Variants in PIBF1 observed in about 807,000 individuals in gnomAD.
PIBF1 encodes the protein progesterone-induced-blocking factor 1.
Under a neutral mutation model 112.5 loss-of-function variants are expected in PIBF1, and 90 were observed. The observed-to-expected ratio is 0.80, with a 90% confidence interval of 0.67 to 0.95. The LOEUF (loss-of-function observed/expected upper bound fraction) is 0.95, where lower values mean the gene tolerates loss of function less well. Ranked by LOEUF, PIBF1 falls within the 40% of genes least tolerant of loss-of-function variation. The pLI, the probability that PIBF1 is intolerant of heterozygous loss-of-function variation, is 0.00. For missense variants in PIBF1, 915 were observed against 852.3 expected, an observed-to-expected ratio of 1.07 and a Z score of -0.92; for synonymous variants, 301 against 288.6, an observed-to-expected ratio of 1.04 and a Z score of -0.44.
At chr13:72,826,083 G>A (rs1033868530) in intron 6 of PIBF1, among the ~76,000 whole-genome samples, 23 of 150,224 alleles carry the variant, frequency 1.5e-4, no homozygotes, top group South Asian at 6.3e-4. Context: ...TTAAAAAATT[G>A]CATGTGAAAG....
At chr13:72,947,554 C>G (rs2042181953) in intron 14 of PIBF1, among the ~76,000 whole-genome samples, 1 of 152,184 alleles carries the variant, frequency 6.6e-6, no homozygotes, top group South Asian at 2.1e-4. Context: ...GTTTTCTTTT[C>G]TATCATATTG....
chr13:72,810,120 G>A (rs976001082), intron 5 of PIBF1, among the ~76,000 whole-genome samples: 2 of 152,114 alleles, frequency 1.3e-5, no homozygotes, highest in Middle Eastern at 3.2e-3. Context: ...GTTACATTAT[G>A]TATATGATCT....
chr13:72,860,090 G>T (rs557387112), intron 10 of PIBF1, among the ~76,000 whole-genome samples: 1 of 152,104 alleles, frequency 6.6e-6, no homozygotes, highest in Non-Finnish European at 1.5e-5. Context: ...AAGTATTCAG[G>T]CATAAGCCAA....
chr13:72,928,025 A>G (rs1260387377), intron 13 of PIBF1, among the ~76,000 whole-genome samples: 1 of 60,600 alleles, frequency 1.7e-5, no homozygotes, highest in Non-Finnish European at 3.0e-5. Context: ...ACATATATAT[A>G]CATATATATA....
chr13:73,014,041 C>G (rs1026435237), intron 17 of PIBF1, among the ~76,000 whole-genome samples: 1 of 151,692 alleles, frequency 6.6e-6, no homozygotes, highest in Non-Finnish European at 1.5e-5. Flanking sequence ...CTTCCCTTCC[C>G]TTCCCTTCCC....
At chr13:72,836,741 CTT>C in intron 9 of PIBF1, among the ~76,000 whole-genome samples, 1 of 151,988 alleles carries the variant, frequency 6.6e-6, no homozygotes, top group Admixed American at 6.6e-5. Flanking sequence ...TATGATAGAA[CTT>C]TTTTAGGATT....
At chr13:72,929,170 A>C (rs2041627383) in intron 13 of PIBF1, among the ~76,000 whole-genome samples, 1 of 152,246 alleles carries the variant, frequency 6.6e-6, no homozygotes, top group East Asian at 1.9e-4. Context: ...TAAGAAAGCA[A>C]GAATAAAAAT....
chr13:73,013,858 G>GA (rs2044303764), intron 17 of PIBF1, among the ~76,000 whole-genome samples: 1 of 152,040 alleles, frequency 6.6e-6, no homozygotes, highest in Non-Finnish European at 1.5e-5. Flanking sequence ...TGCAAGCAAG[G>GA]AAAGAGTGGA....
intron 15 of PIBF1, among the ~76,000 whole-genome samples, chr13:72,967,284 G>A (rs994781580): frequency 6.6e-6 from 1 of 152,088 alleles, no homozygotes; most frequent in Admixed American, 6.6e-5. Context: ...TTCTTGTGAT[G>A]AGGAGGTATA....
intron 10 of PIBF1, among the ~76,000 whole-genome samples, chr13:72,882,921 A>G (rs1188556334): frequency 6.6e-6 from 1 of 152,216 alleles, no homozygotes; most frequent in African/African-American, 2.4e-5. Context: ...GCTGGATCAT[A>G]TGGTAGCTTT....
chr13:72,827,302 G>A (rs575957243), intron 7 of PIBF1, among the ~76,000 whole-genome samples, 184 bp downstream of exon 7: 23 of 131,566 alleles, frequency 1.7e-4, no homozygotes, highest in African/African-American at 6.9e-4. Flanking sequence ...AGGCTATAGT[G>A]CAGTGGTGCG....
At chr13:72,917,016 G>A in intron 12 of PIBF1, 60 bp from the exon 13 acceptor site, 1 of 1,078,632 alleles carries the variant, frequency 9.3e-7, no homozygotes, top group Non-Finnish European at 1.3e-6. Context: ...TTTCACTTCT[G>A]CCATCTTTTT....
intron 14 of PIBF1, among the ~76,000 whole-genome samples, chr13:72,939,667 A>G (rs1384543316): frequency 6.6e-6 from 1 of 152,126 alleles, no homozygotes; most frequent in African/African-American, 2.4e-5. Flanking sequence ...CCTTCTGACT[A>G]TTGTAAAAAG....
At chr13:72,869,622 TAATA>T (rs1383132773) in intron 10 of PIBF1, among the ~76,000 whole-genome samples, 7 of 134,330 alleles carry the variant, frequency 5.2e-5, no homozygotes, top group African/African-American at 1.5e-4. Context: ...ATAATAATAA[TAATA>T]AAAAATAAAT....
At chr13:72,962,899 C>A (rs2042643512) in intron 14 of PIBF1, among the ~76,000 whole-genome samples, 1 of 152,138 alleles carries the variant, frequency 6.6e-6, no homozygotes, top group South Asian at 2.1e-4. Flanking sequence ...AAGTTACAGT[C>A]AGCAAAACAG....
chr13:72,867,620 T>C (rs2038982025), intron 10 of PIBF1, among the ~76,000 whole-genome samples: 1 of 152,156 alleles, frequency 6.6e-6, no homozygotes, highest in Admixed American at 6.5e-5. Flanking sequence ...GAGTCCCCTT[T>C]CCTCAACTTA....
At chr13:72,895,364 G>GA (rs761104752) in intron 11 of PIBF1, among the ~76,000 whole-genome samples, 40 of 149,772 alleles carry the variant, frequency 2.7e-4, no homozygotes, top group Non-Finnish European at 5.8e-4. Flanking sequence ...AATAGAAACT[G>GA]AAAAACAGTA....
chr13:72,809,774 G>C (rs146136004), intron 5 of PIBF1, among the ~76,000 whole-genome samples: 10 of 152,008 alleles, frequency 6.6e-5, no homozygotes, highest in Non-Finnish European at 1.2e-4. Flanking sequence ...ATTTTTAGTA[G>C]AGAGGGGTTT....
chr13:72,861,301 A>G (rs1440532462), intron 10 of PIBF1, among the ~76,000 whole-genome samples: 1 of 151,930 alleles, frequency 6.6e-6, no homozygotes, highest in East Asian at 1.9e-4. Context: ...ATATAAGAAT[A>G]TATATTATGT....
Sources: allele counts gnomAD v4.1 joint callset (sites outside exome capture counted in the v4.1 genomes callset), GRCh38; gene constraint gnomAD v4.1.1; transcripts MANE v1.5; gene names NCBI Gene and HGNC (gene_info 2026-07-23, HGNC 2026-07-21).